UVRAG: variants seen among roughly 807,000 people sequenced by gnomAD.
UVRAG encodes UV radiation resistance associated, also known as UV radiation resistance-associated gene protein.
In UVRAG, 19 loss-of-function variants were observed where a neutral mutation model predicts 78.0. The ratio of observed to expected loss-of-function variants is 0.24; its 90% CI spans 0.17 to 0.36. The LOEUF (loss-of-function observed/expected upper bound fraction) is 0.36, where lower values mean the gene tolerates loss of function less well. UVRAG is among the 10% of genes least tolerant of loss of function. UVRAG has a pLI of 1.00. For missense variants in UVRAG, 740 were observed against 853.8 expected (o/e 0.87, Z 1.66); for synonymous variants, 323 against 324.6 (o/e 1.00, Z 0.05).
At chr11:75,839,810 T>TG (rs1221501314) in intron 1 of UVRAG, among the ~76,000 whole-genome samples, 2 of 134,986 alleles carry the variant, frequency 1.5e-5, no homozygotes, top group East Asian at 2.0e-4. Context: ...TGTGTGTGTG[T>TG]TTTTGTGTGT....
chr11:76,001,888 T>C (rs1367352414), intron 8 of UVRAG, among the ~76,000 whole-genome samples: 1 of 152,174 alleles, frequency 6.6e-6, no homozygotes, highest in Non-Finnish European at 1.5e-5. Context: ...CTGATGATTA[T>C]GGAGGAATTA....
intron 14 of UVRAG, among the ~76,000 whole-genome samples, chr11:76,126,517 T>TA (rs1235631515): frequency 2.0e-5 from 3 of 152,236 alleles, no homozygotes; most frequent in East Asian, 1.9e-4. Context: ...GCACAGTCCT[T>TA]ACAGCTTTTT....
intron 12 of UVRAG, among the ~76,000 whole-genome samples, chr11:76,047,253 G>C (rs1950776705): frequency 1.3e-5 from 2 of 152,148 alleles, no homozygotes; most frequent in Admixed American, 1.3e-4. Context: ...CCTGAAGGGT[G>C]GGAGCAATCT....
intron 6 of UVRAG, among the ~76,000 whole-genome samples, chr11:75,940,427 A>G (rs1192511515): frequency 1.3e-5 from 2 of 152,180 alleles, no homozygotes. Flanking sequence ...CACATTTTCT[A>G]TTCTACTTAA....
intron 12 of UVRAG, among the ~76,000 whole-genome samples, chr11:76,026,301 T>C (rs1480214769): frequency 6.6e-6 from 1 of 152,256 alleles, no homozygotes; most frequent in East Asian, 1.9e-4. Flanking sequence ...TTTCTATTAT[T>C]ACCTGCTTCA....
chr11:76,104,501 A>G (rs1300237512), intron 13 of UVRAG, among the ~76,000 whole-genome samples: 1 of 152,250 alleles, frequency 6.6e-6, no homozygotes, highest in African/African-American at 2.4e-5. Flanking sequence ...TTCCTGGCAC[A>G]TAACTAATCA....
At chr11:76,116,243 C>T (rs1952179119) in intron 14 of UVRAG, among the ~76,000 whole-genome samples, 1 of 152,166 alleles carries the variant, frequency 6.6e-6, no homozygotes, top group South Asian at 2.1e-4. Flanking sequence ...ATTGCTTGAA[C>T]TTTGGGAAGG....
At chr11:75,913,338 G>A (rs1257597233) in intron 6 of UVRAG, among the ~76,000 whole-genome samples, 2 of 152,208 alleles carry the variant, frequency 1.3e-5, no homozygotes, top group Admixed American at 1.3e-4. Flanking sequence ...GCTGAAAGAG[G>A]ATAGTTTCCA....
intron 14 of UVRAG, chr11:76,137,599 C>T: frequency 2.6e-6 from 1 of 378,930 alleles, no homozygotes; most frequent in South Asian, 2.0e-5. Flanking sequence ...CCTTACCATT[C>T]TTAAGAGAGA....
intron 14 of UVRAG, among the ~76,000 whole-genome samples, chr11:76,138,837 CTT>C (rs1164046952): frequency 6.6e-6 from 1 of 152,202 alleles, no homozygotes; most frequent in African/African-American, 2.4e-5. Flanking sequence ...CTGATGTTCT[CTT>C]TTGGTTTGAG....
intron 14 of UVRAG, among the ~76,000 whole-genome samples, chr11:76,139,615 A>G (rs1455008568): frequency 2.0e-5 from 3 of 152,068 alleles, no homozygotes; most frequent in East Asian, 1.9e-4. Flanking sequence ...TCTGGACCCA[A>G]TCTGTTCATA....
intron 12 of UVRAG, among the ~76,000 whole-genome samples, chr11:76,032,674 G>T (rs989107501): frequency 6.6e-6 from 1 of 152,204 alleles, no homozygotes; most frequent in African/African-American, 2.4e-5. Flanking sequence ...GTTGCAGGTA[G>T]TCAGCAGAGG....
intron 14 of UVRAG, among the ~76,000 whole-genome samples, chr11:76,136,862 A>T (rs929884808): frequency 1.1e-4 from 17 of 152,100 alleles, no homozygotes; most frequent in African/African-American, 4.1e-4. Flanking sequence ...AAAATACCCA[A>T]AATTAATAGC....
chr11:75,989,289 A>C (rs71467902), intron 8 of UVRAG, among the ~76,000 whole-genome samples: 1 of 152,078 alleles, frequency 6.6e-6, no homozygotes, highest in Non-Finnish European at 1.5e-5. Context: ...TCCTGACCCC[A>C]AGTGATCCGC....
At chr11:76,041,199 C>A (rs1244701718) in intron 12 of UVRAG, among the ~76,000 whole-genome samples, 4 of 145,268 alleles carry the variant, frequency 2.8e-5, no homozygotes, top group African/African-American at 1.1e-4. Context: ...ATATTATGGT[C>A]TGATGGATTT....
intron 13 of UVRAG, among the ~76,000 whole-genome samples, chr11:76,114,675 CAGTGAG>C (rs1952142963): frequency 6.6e-6 from 1 of 152,132 alleles, no homozygotes; most frequent in Admixed American, 6.5e-5. Flanking sequence ...AGCCCAGAAT[CAGTGAG>C]AGTGAACTCT....
intron 1 of UVRAG, among the ~76,000 whole-genome samples, chr11:75,846,069 A>G (rs1026821070): frequency 6.6e-6 from 1 of 152,242 alleles, no homozygotes; most frequent in African/African-American, 2.4e-5. Flanking sequence ...TTTGGCTTAA[A>G]TATCTGTAGC....
intron 7 of UVRAG, among the ~76,000 whole-genome samples, chr11:75,969,475 G>A (rs1949085642): frequency 6.6e-6 from 1 of 152,106 alleles, no homozygotes; most frequent in South Asian, 2.1e-4. Context: ...AGGGCAAAAT[G>A]GCTTTTATCT....
At chr11:76,097,138 G>A (rs562458856) in intron 13 of UVRAG, among the ~76,000 whole-genome samples, 3 of 152,214 alleles carry the variant, frequency 2.0e-5, no homozygotes, top group Admixed American at 2.0e-4. Context: ...CCCTCCTTGT[G>A]TAAAACCATC....
Sources: allele counts gnomAD v4.1 joint callset (sites outside exome capture counted in the v4.1 genomes callset), GRCh38; gene constraint gnomAD v4.1.1; transcripts MANE v1.5; gene names NCBI Gene and HGNC (gene_info 2026-07-23, HGNC 2026-07-21).